BLNK: variants seen among roughly 807,000 people sequenced by gnomAD.
The protein encoded by BLNK is B cell linker, also known as B-cell linker protein.
Under a neutral mutation model 73.5 loss-of-function variants are expected in BLNK, and 29 were observed. That is an observed-to-expected ratio of 0.39 (90% CI 0.29 to 0.54). BLNK has a LOEUF of 0.54. BLNK is among the 20% of genes least tolerant of loss of function. The pLI is 0.61. For synonymous variants in BLNK, 176 were observed against 200.8 expected, an observed-to-expected ratio of 0.88 and a Z score of 1.04; for missense variants, 460 against 562.8, an observed-to-expected ratio of 0.82 and a Z score of 1.85.
rs782401576 is a variant in BLNK at position 96,215,368 on chromosome 10, G to T, written c.629C>A (p.Thr210Asn). 6.2e-7 allele frequency: 1 copy of T among 1,613,510 alleles called. No individual in the cohort carries two copies. Among genetic ancestry groups the T allele is most frequent in the Admixed American group, 1.7e-5 (1 of 59,966 alleles). Residue 210 changes from threonine (T) to asparagine (N), a missense_variant, in exon 8 of 17, where the codon ACC (threonine) becomes AAC (asparagine). By Grantham distance (65) the Thr-to-Asn change is moderately conservative (BLOSUM62 0). Transcript: ENST00000224337. ...GGCGGGCGTTGAGGAATTTGGCTTG[G>T]TTGATCTATTCACCATGGGAGCTTA... ...PEKAPMVNRSTKPNSSTPASP... is the reference protein window; with the variant it reads ...PEKAPMVNRSNKPNSSTPASP...
intron 16 of BLNK, among the ~76,000 whole-genome samples, chr10:96,192,443 T>C (rs946228879): frequency 3.9e-5 from 6 of 152,192 alleles, no homozygotes; most frequent in African/African-American, 1.4e-4. Context: ...AAAACATAGA[T>C]CATCTCTTAC....
At chr10:96,242,156 C>T (rs1266159563) in intron 3 of BLNK, among the ~76,000 whole-genome samples, 4 of 152,134 alleles carry the variant, frequency 2.6e-5, no homozygotes, top group African/African-American at 7.2e-5. Context: ...AGTGCAGTTT[C>T]CCCCGTACCG....
intron 15 of BLNK, among the ~76,000 whole-genome samples, chr10:96,197,854 T>G (rs2133935561): frequency 6.7e-6 from 1 of 150,356 alleles, no homozygotes; most frequent in Admixed American, 6.7e-5. Context: ...AGACGGAGTT[T>G]GCAGTGAGCC....
At chr10:96,253,430 G>A (rs568439593) in intron 1 of BLNK, among the ~76,000 whole-genome samples, 24 of 152,264 alleles carry the variant, frequency 1.6e-4, no homozygotes, top group Admixed American at 1.6e-3. Context: ...CTTGCTTCTG[G>A]GAGCCTGGGA....
chr10:96,271,375 G>T lies in BLNK; in HGVS notation c.24C>A (p.Thr8=), dbSNP rs377038501. The change falls in exon 1 of 17, where the codon ACC becomes ACA. Residue 8 remains threonine, a synonymous_variant. Transcript: ENST00000224337. The stretch of plus-strand genomic sequence containing the variant: ...ACCTCAACTTCTGACTGGCGGGGAC[G>T]GTTATTTTATTAAGCTTGTCCATTC... MDKLNKI[T]VPASQKLRQL... The T allele has an allele frequency of 3.7e-6, 6 of 1,614,104 alleles. No individual in the cohort carries two copies. Among genetic ancestry groups the T allele is most frequent in the Non-Finnish European group, 4.2e-6 (5 of 1,180,006 alleles).
intron 8 of BLNK, among the ~76,000 whole-genome samples, 192 bp downstream of exon 8, chr10:96,215,129 G>A (rs2084034043): frequency 2.0e-5 from 3 of 152,172 alleles, no homozygotes; most frequent in Admixed American, 2.0e-4. Context: ...AACTTGTCTA[G>A]CAGATGCCAA....
chr10:96,221,546 C>A (rs1445520098), intron 6 of BLNK, among the ~76,000 whole-genome samples: 10 of 152,210 alleles, frequency 6.6e-5, no homozygotes, highest in African/African-American at 2.2e-4. Flanking sequence ...CTTTTTCCCA[C>A]TGGTGCAGAC....
At chr10:96,267,668 G>A (rs1197595539) in intron 1 of BLNK, among the ~76,000 whole-genome samples, 1 of 152,168 alleles carries the variant, frequency 6.6e-6, no homozygotes, top group African/African-American at 2.4e-5. Flanking sequence ...TTAGATGAAC[G>A]CAGAGAAGGA....
At chr10:96,243,840 AATT>A (rs1221355241) in intron 2 of BLNK, among the ~76,000 whole-genome samples, 1 of 152,206 alleles carries the variant, frequency 6.6e-6, no homozygotes, top group Non-Finnish European at 1.5e-5. Context: ...TATTTTTAAT[AATT>A]ATTACCCATT....
intron 3 of BLNK, among the ~76,000 whole-genome samples, chr10:96,234,368 C>A (rs1483000758): frequency 6.6e-6 from 1 of 152,188 alleles, no homozygotes; most frequent in Non-Finnish European, 1.5e-5. Context: ...TACAGTCTTG[C>A]AGGCAATTGC....
chr10:96,270,642 A>G (rs1554915437), intron 1 of BLNK, among the ~76,000 whole-genome samples: 1 of 151,548 alleles, frequency 6.6e-6, no homozygotes, highest in East Asian at 1.9e-4. Flanking sequence ...AAAAATGTGA[A>G]AAAAAAACTG....
intron 1 of BLNK, among the ~76,000 whole-genome samples, chr10:96,257,345 G>A (rs190711926): frequency 3.3e-5 from 5 of 152,352 alleles, no homozygotes; most frequent in East Asian, 1.9e-4. Flanking sequence ...GCCTGGGACA[G>A]TGGTGGCTGG....
chr10:96,245,600 T>G (rs1370629107), intron 2 of BLNK, among the ~76,000 whole-genome samples: 2 of 152,186 alleles, frequency 1.3e-5, no homozygotes, highest in Non-Finnish European at 2.9e-5. Flanking sequence ...ATAATATATT[T>G]AAGGTAGACT....
intron 4 of BLNK, among the ~76,000 whole-genome samples, 188 bp downstream of exon 4, chr10:96,230,606 T>C (rs1397921535): frequency 6.6e-6 from 1 of 152,212 alleles, no homozygotes; most frequent in African/African-American, 2.4e-5. Flanking sequence ...GGAAAGCTCT[T>C]AGCCAGGCGC....
At chr10:96,229,829 T>A (rs140015851) in intron 4 of BLNK, among the ~76,000 whole-genome samples, 1,601 of 152,194 alleles carry the variant, frequency 0.011, 26 homozygotes, top group African/African-American at 0.037. Context: ...TTTTCTTTTC[T>A]TTTTCTGCAG....
At position 96,190,316 on chromosome 10, in the gene BLNK, G is replaced by GTAT. The variant is rs1296806453; in HGVS notation, c.*1654_*1656dup. ...CATACAGGATGGAATCACGCCAGTA[G>GTAT]TATTGTTCCTGTGTGTCTCTTCATA... On this transcript the variant is annotated 3_prime_UTR_variant, in exon 17 of 17. Transcript: ENST00000224337. 6.7e-6 allele frequency: 4 copies of GTAT among 598,678 alleles called. No homozygotes were observed. The African/African-American group carries it at 7.3e-5, about 11-fold the overall frequency. 37.1% of individuals were successfully genotyped at this position (598,678 alleles called of 1,614,324 possible).
chr10:96,207,148 C>T (rs2083835786), intron 10 of BLNK, 95 bp from the exon 11 acceptor site: 2 of 1,212,940 alleles, frequency 1.6e-6, no homozygotes, highest in Non-Finnish European at 2.4e-6. Flanking sequence ...TTTGGCAGCA[C>T]TTTTCTTTGA....
chr10:96,216,642 CA>C lies in BLNK; in HGVS notation c.607+10del. 6.2e-7 allele frequency: 1 copy of C among 1,613,792 alleles called. No homozygotes were observed. The highest frequency in any genetic ancestry group is 8.5e-7 in the Non-Finnish European group (1 of 1,179,754). ...AAAAATTTTCAGGTGCTTAAGGCGA[CA>C]AACTCTTACCTTTTTCAGGTGGAGG... On this transcript the variant is annotated intron_variant, in intron 7 of 16. Coordinates refer to ENST00000224337, the MANE Select transcript of BLNK (RefSeq NM_013314.4).
At chr10:96,232,668 A>G (rs114649907) in intron 3 of BLNK, among the ~76,000 whole-genome samples, 1,789 of 152,292 alleles carry the variant, frequency 0.012, 35 homozygotes, top group African/African-American at 0.041. Flanking sequence ...GAATTCTTAC[A>G]TTATTCTTTG....
Sources: gnomAD v4.1 joint callset for allele counts (sites outside exome capture counted in the v4.1 genomes callset) on GRCh38, gnomAD v4.1.1 for gene constraint, MANE v1.5 for transcripts, NCBI Gene and HGNC (gene_info 2026-07-23, HGNC 2026-07-21) for gene names.